RAI14: variants seen among roughly 807,000 people sequenced by gnomAD.
RAI14 encodes the protein retinoic acid induced 14.
In RAI14, 45 loss-of-function variants were observed where a neutral mutation model predicts 115.4. The ratio of observed to expected loss-of-function variants is 0.39; its 90% CI spans 0.31 to 0.50. The LOEUF is 0.50. Ranked by LOEUF, RAI14 falls within the 20% of genes least tolerant of loss-of-function variation. The pLI is 0.85. For synonymous variants in RAI14, 371 were observed against 415.4 expected, an observed-to-expected ratio of 0.89 and a Z score of 1.30; for missense variants, 939 against 1,131.2, an observed-to-expected ratio of 0.83 and a Z score of 2.44.
Position 34,814,662 on chromosome 5 carries a change from C to A in RAI14, c.932C>A (p.Pro311His), listed in dbSNP as rs200119247. Residue 311 changes from proline to histidine, a missense_variant, in exon 12 of 18, where the codon CCC becomes CAC. Transcript: ENST00000265109. The stretch of plus-strand genomic sequence containing the variant: ...GAATCGGTATTTTTTGCTGAACCAC[C>A]CTTCAAGGTATTTCCTTTCTGTATT... ...GKESVFFAEP[P>H]FKAEISSIRE... The A allele has an allele frequency of 3.1e-6, 5 of 1,604,534 alleles. No individual in the cohort carries two copies. The highest frequency in any genetic ancestry group is 1.3e-5 in the African/African-American group (1 of 74,650).
At chr5:34,737,248 A>AGTAT (rs1744982672) in intron 2 of RAI14, among the ~76,000 whole-genome samples, 1 of 120,660 alleles carries the variant, frequency 8.3e-6, no homozygotes, top group African/African-American at 3.1e-5. Context: ...GCACACAGAT[A>AGTAT]CTCCTAATGT....
At chr5:34,800,935 TTG>T (rs1754184184) in intron 4 of RAI14, among the ~76,000 whole-genome samples, 2 of 152,174 alleles carry the variant, frequency 1.3e-5, no homozygotes, top group South Asian at 4.1e-4. Context: ...AAACCTTCAT[TTG>T]TAAGGCATTT....
chr5:34,699,706 T>C (rs1364176020), intron 2 of RAI14, among the ~76,000 whole-genome samples: 1 of 152,160 alleles, frequency 6.6e-6, no homozygotes, highest in Non-Finnish European at 1.5e-5. Flanking sequence ...ATCACAAAGC[T>C]AAAGTAGGGT....
At position 34,687,446 on chromosome 5, in the gene RAI14, G is replaced by A. The variant is rs57134897; in HGVS notation, c.36+491G>A. On this transcript the variant is annotated intron_variant, in intron 2 of 17. Transcript: ENST00000265109. ...TGCTGCCCGTACCTTTCCTCCCCCCGAATTCCAGGGACTCGTACTCATTTG... is the reference window on the plus strand; with the variant it reads ...TGCTGCCCGTACCTTTCCTCCCCCCAAATTCCAGGGACTCGTACTCATTTG... 2.8e-3 allele frequency: 2,206 copies of A among 788,376 alleles called. 75 individuals are homozygous for A. The East Asian group carries it at 0.061, about 22-fold the overall frequency. The allele number at this position is 788,376 out of a possible 1,614,324, so 48.8% of individuals were successfully genotyped here.
At chr5:34,732,117 T>C (rs1744268041) in intron 2 of RAI14, among the ~76,000 whole-genome samples, 1 of 152,192 alleles carries the variant, frequency 6.6e-6, no homozygotes, top group Non-Finnish European at 1.5e-5. Flanking sequence ...CAACATGGGA[T>C]CAGCCAGCAT....
At chr5:34,666,182 A>G (rs74856736) in intron 1 of RAI14, among the ~76,000 whole-genome samples, 15,221 of 151,852 alleles carry the variant, frequency 0.1, 887 homozygotes, top group African/African-American at 0.14. Context: ...CCACCTGACA[A>G]TTCTTGTAGT....
intron 2 of RAI14, among the ~76,000 whole-genome samples, chr5:34,711,932 AT>A (rs980662164): frequency 2.1e-4 from 32 of 151,464 alleles, no homozygotes; most frequent in Middle Eastern, 3.4e-3. Flanking sequence ...CTTTTATTCT[AT>A]TTTTTTTATT....
chr5:34,721,296 T>C (rs1300376046), intron 2 of RAI14, among the ~76,000 whole-genome samples: 2 of 28,086 alleles, frequency 7.1e-5, no homozygotes, highest in African/African-American at 4.2e-4. Context: ...GATGTGTATA[T>C]ATATATATAT....
In RAI14 at chr5:34,656,359, C is replaced by G. The variant is rs577525737; in HGVS notation, c.-165C>G. The G allele has an allele frequency of 2.0e-5, 3 of 152,116 alleles. No homozygotes were observed. The South Asian group carries it at 6.2e-4, about 32-fold the overall frequency. 9.4% of individuals were successfully genotyped at this position (152,116 alleles called of 1,614,324 possible). On this transcript the variant is annotated 5_prime_UTR_variant, in exon 1 of 18. Coordinates refer to ENST00000265109, the MANE Select transcript of RAI14 (RefSeq NM_015577.3). ...CCCCGCAGCGGGGGAGGAGGAGGGA[C>G]TGCGGCGCAGGAAGCCGAGCAGGAA...
intron 2 of RAI14, among the ~76,000 whole-genome samples, chr5:34,718,592 T>TC (rs1328613370): frequency 2.6e-5 from 4 of 152,158 alleles, no homozygotes; most frequent in Admixed American, 2.6e-4. Flanking sequence ...TCCTCTGCCC[T>TC]CCCCCGTTCT....
At chr5:34,813,766 TG>T in intron 11 of RAI14, 106 bp downstream of exon 11, 1 of 724,592 alleles carries the variant, frequency 1.4e-6, no homozygotes, top group Non-Finnish European at 2.1e-6. Context: ...GACCTTTAAG[TG>T]CATATTTAAA....
At chr5:34,746,751 G>C (rs1402308277) in intron 2 of RAI14, among the ~76,000 whole-genome samples, 3 of 152,058 alleles carry the variant, frequency 2.0e-5, no homozygotes, top group Non-Finnish European at 2.9e-5. Flanking sequence ...CCCCTAAAAA[G>C]TTTAAACATC....
chr5:34,792,319 C>T (rs1226014987), intron 3 of RAI14, among the ~76,000 whole-genome samples: 4 of 148,896 alleles, frequency 2.7e-5, no homozygotes, highest in Non-Finnish European at 4.4e-5. Context: ...CTGCAAGCTC[C>T]GCCTCCCTGG....
chr5:34,661,215 A>G (rs986172827), intron 1 of RAI14, among the ~76,000 whole-genome samples: 1 of 151,144 alleles, frequency 6.6e-6, no homozygotes, highest in African/African-American at 2.4e-5. Context: ...TAGGTGCTCA[A>G]AGAGTTTTGG....
rs1168000528 is a variant in RAI14 at position 34,829,784 on chromosome 5, T to C, written c.2852T>C (p.Leu951Pro). ...EVISVYRMHL[L>P]YAVQGQMDED... is the part of the protein sequence containing the mutation. The stretch of plus-strand genomic sequence containing the variant: ...ATATCAGTTTACAGAATGCATCTTC[T>C]GTATGCTGTGCAGGTATGGTTATGC... The change falls in exon 17 of 18, where the codon CTG (leucine) becomes CCG (proline). Residue 951 changes from leucine (L) to proline (P), a missense_variant. By Grantham distance (98) the Leu-to-Pro change is moderately conservative (BLOSUM62 -3). Coordinates refer to ENST00000265109, the MANE Select transcript of RAI14 (RefSeq NM_015577.3). 1 of 1,611,628 alleles carries C rather than the reference T, an allele frequency of 6.2e-7. No individual in the cohort carries two copies. The highest frequency in any genetic ancestry group is 8.5e-7 in the Non-Finnish European group (1 of 1,178,470).
intron 2 of RAI14, among the ~76,000 whole-genome samples, chr5:34,734,368 C>T (rs576903197): frequency 3.5e-4 from 54 of 152,292 alleles, no homozygotes; most frequent in African/African-American, 1.3e-3. Context: ...CCTCTGTTAT[C>T]TTTTAGTAAC....
intron 3 of RAI14, among the ~76,000 whole-genome samples, chr5:34,787,356 C>T (rs906084724): frequency 6.6e-6 from 1 of 152,168 alleles, no homozygotes; most frequent in Non-Finnish European, 1.5e-5. Flanking sequence ...AAATGTCCAA[C>T]AGACAATGAA....
intron 2 of RAI14, among the ~76,000 whole-genome samples, chr5:34,707,659 C>A (rs548663594): frequency 6.6e-6 from 1 of 152,280 alleles, no homozygotes; most frequent in South Asian, 2.1e-4. Context: ...GGGAAAAAAA[C>A]CACACATCTT....
At chr5:34,781,378 T>TA (rs1289443117) in intron 3 of RAI14, among the ~76,000 whole-genome samples, 1 of 152,002 alleles carries the variant, frequency 6.6e-6, no homozygotes, top group Non-Finnish European at 1.5e-5. Context: ...AAAAAAATAA[T>TA]AAAAAAAGTA....
Sources: gnomAD v4.1 joint callset for allele counts (sites outside exome capture counted in the v4.1 genomes callset) on GRCh38, gnomAD v4.1.1 for gene constraint, MANE v1.5 for transcripts, NCBI Gene and HGNC (gene_info 2026-07-23, HGNC 2026-07-21) for gene names.